The following CPQ variants were observed in gnomAD, a reference collection of about 807,000 sequenced individuals.
CPQ encodes carboxypeptidase Q.
In CPQ, 37 loss-of-function variants were observed where a neutral mutation model predicts 45.7. The observed-to-expected ratio is 0.81, with a 90% CI of 0.62 to 1.07. CPQ has a LOEUF of 1.07. Ranked by LOEUF, CPQ falls within the 50% of genes least tolerant of loss-of-function variation. CPQ has a pLI of 0.00. For missense variants in CPQ, 537 were observed against 572.9 expected (o/e 0.94, Z 0.64); for synonymous variants, 186 against 205.8 (o/e 0.90, Z 0.82).
At position 96,785,218 on chromosome 8, in the gene CPQ, A is replaced by G. The variant is rs749240539; in HGVS notation, c.321A>G (p.Pro107=). 6.2e-7 allele frequency: 1 copy of G among 1,613,662 alleles called. No homozygotes were observed. The highest frequency in any genetic ancestry group is 8.5e-7 in the Non-Finnish European group (1 of 1,179,776). The part of the protein sequence containing the change: ...QDGLEKVHLE[P]VRIPHWERGE... The stretch of plus-strand genomic sequence containing the variant: ...GGCTGGAGAAAGTTCACCTGGAGCC[A>G]GTGAGAATACCCCACTGGGAGAGGG... The change falls in exon 2 of 8, where the codon CCA becomes CCG. Residue 107 remains proline (P), a synonymous_variant. Transcript: ENST00000220763.
chr8:96,864,526 C>T (rs974052237), intron 3 of CPQ, among the ~76,000 whole-genome samples: 9 of 151,890 alleles, frequency 5.9e-5, no homozygotes, highest in Admixed American at 5.2e-4. Flanking sequence ...AGCCAATTGG[C>T]CCAAGAAGCA....
intron 1 of CPQ, among the ~76,000 whole-genome samples, chr8:96,722,081 G>A (rs1014418926): frequency 6.6e-6 from 1 of 151,994 alleles, no homozygotes; most frequent in African/African-American, 2.4e-5. Context: ...CAAGAAATAA[G>A]CTCTATAAAG....
intron 7 of CPQ, among the ~76,000 whole-genome samples, chr8:97,094,119 C>T (rs1020494564): frequency 2.6e-5 from 4 of 152,068 alleles, no homozygotes; most frequent in African/African-American, 9.7e-5. Flanking sequence ...AAGAACAAAA[C>T]TCTTTTCTGA....
chr8:96,823,781 A>G (rs1004843660), intron 2 of CPQ, among the ~76,000 whole-genome samples: 1 of 152,046 alleles, frequency 6.6e-6, no homozygotes, highest in Non-Finnish European at 1.5e-5. Context: ...AATGTAAGTA[A>G]AACATTTAGA....
At chr8:97,001,019 T>C (rs1210172587) in intron 5 of CPQ, among the ~76,000 whole-genome samples, 1 of 151,984 alleles carries the variant, frequency 6.6e-6, no homozygotes, top group African/African-American at 2.4e-5. Flanking sequence ...TGGAAGTTTA[T>C]TTATGATTTG....
chr8:96,998,503 G>A (rs889139991), intron 5 of CPQ, among the ~76,000 whole-genome samples: 1 of 151,896 alleles, frequency 6.6e-6, no homozygotes, highest in South Asian at 2.1e-4. Context: ...TAAGTAAATA[G>A]TTCCAGTGGG....
intron 5 of CPQ, among the ~76,000 whole-genome samples, chr8:96,968,766 T>G (rs1813614287): frequency 6.6e-6 from 1 of 152,196 alleles, no homozygotes; most frequent in African/African-American, 2.4e-5. Flanking sequence ...TTCTTTGTCT[T>G]CCCCTCTCAC....
chr8:97,128,100 A>AAAT (rs1302161048), intron 7 of CPQ, among the ~76,000 whole-genome samples: 16 of 152,254 alleles, frequency 1.1e-4, no homozygotes, highest in East Asian at 7.7e-4. Context: ...TTTGCATAAA[A>AAAT]AGAAGCAGCT....
At chr8:96,648,405 T>A (rs988799991) in intron 1 of CPQ, among the ~76,000 whole-genome samples, 1 of 152,208 alleles carries the variant, frequency 6.6e-6, no homozygotes, top group Non-Finnish European at 1.5e-5. Flanking sequence ...CACTTAGCTT[T>A]TAAAAACAAA....
At chr8:97,020,623 C>G (rs190189339) in intron 5 of CPQ, among the ~76,000 whole-genome samples, 141 of 152,186 alleles carry the variant, frequency 9.3e-4, no homozygotes, top group Non-Finnish European at 1.3e-3. Context: ...AGAAAACCTA[C>G]AGGAGATGGA....
intron 6 of CPQ, among the ~76,000 whole-genome samples, chr8:97,040,654 T>G (rs1358090587): frequency 6.6e-6 from 1 of 152,208 alleles, no homozygotes; most frequent in Non-Finnish European, 1.5e-5. Flanking sequence ...TTGAATTAAT[T>G]TTTGTATAAG....
intron 1 of CPQ, among the ~76,000 whole-genome samples, chr8:96,676,342 G>A (rs1252687635): frequency 6.6e-6 from 1 of 151,808 alleles, no homozygotes. Flanking sequence ...GCTACCACAT[G>A]TAAGTAAGAG....
chr8:96,771,013 T>C (rs1246545059), intron 1 of CPQ, among the ~76,000 whole-genome samples: 2 of 148,172 alleles, frequency 1.3e-5, no homozygotes, highest in African/African-American at 4.9e-5. Context: ...GAGAACATAT[T>C]GGAGAAGAGG....
intron 1 of CPQ, among the ~76,000 whole-genome samples, chr8:96,739,883 A>T (rs1810056926): frequency 6.6e-6 from 1 of 152,152 alleles, no homozygotes; most frequent in Non-Finnish European, 1.5e-5. Context: ...TATAGTTTGA[A>T]GTCAGGTAGT....
At chr8:96,796,489 A>C (rs1242183940) in intron 2 of CPQ, among the ~76,000 whole-genome samples, 1 of 151,958 alleles carries the variant, frequency 6.6e-6, no homozygotes, top group African/African-American at 2.4e-5. Flanking sequence ...CTTCTTTTTC[A>C]TTTTTTCTTA....
At chr8:96,897,534 A>G (rs1033821807) in intron 4 of CPQ, among the ~76,000 whole-genome samples, 46 of 152,182 alleles carry the variant, frequency 3.0e-4, no homozygotes, top group African/African-American at 1.1e-3. Context: ...CTGACCTCAC[A>G]TGTTGGGTCA....
intron 5 of CPQ, among the ~76,000 whole-genome samples, chr8:97,001,202 T>C (rs1809274340): frequency 6.6e-6 from 1 of 152,160 alleles, no homozygotes; most frequent in Non-Finnish European, 1.5e-5. Context: ...TAATTTGACT[T>C]CCTCTCTTTC....
intron 6 of CPQ, 107 bp downstream of exon 6, chr8:97,029,601 A>T: frequency 1.0e-6 from 1 of 979,774 alleles, no homozygotes; most frequent in Non-Finnish European, 1.6e-6. Flanking sequence ...AACTGGCCCT[A>T]GGAAACACCC....
intron 6 of CPQ, among the ~76,000 whole-genome samples, chr8:97,052,887 A>G (rs1810385982): frequency 6.6e-6 from 1 of 152,216 alleles, no homozygotes; most frequent in African/African-American, 2.4e-5. Flanking sequence ...TGGATGTTGT[A>G]AACATTTGTA....
Sources: allele counts gnomAD v4.1 joint callset (sites outside exome capture counted in the v4.1 genomes callset), GRCh38; gene constraint gnomAD v4.1.1; transcripts MANE v1.5; gene names NCBI Gene and HGNC (gene_info 2026-07-23, HGNC 2026-07-21).